Variants in HIGD1A observed in about 807,000 individuals in gnomAD.
HIGD1A encodes HIG1 domain family member 1A, mitochondrial.
Under a neutral mutation model 11.3 loss-of-function variants are expected in HIGD1A, and 8 were observed. That is an observed-to-expected ratio of 0.71 (90% CI 0.42 to 1.28). The LOEUF is 1.28. HIGD1A is among the 50% of genes most tolerant of loss of function. HIGD1A has a pLI of 0.01. For missense variants in HIGD1A, 107 were observed against 118.8 expected, an observed-to-expected ratio of 0.90 and a Z score of 0.46; for synonymous variants, 32 against 38.4, an observed-to-expected ratio of 0.83 and a Z score of 0.62.
rs745348917 is a variant in HIGD1A, at chr3:42,786,031, C to A, written c.229G>T (p.Val77Phe). Residue 77 changes from valine (V) to phenylalanine (F), a missense_variant, in exon 3 of 4, where the codon GTT becomes TTT. Physicochemically the swap from Val to Phe is conservative, Grantham distance 50. Transcript: ENST00000321331. The stretch of plus-strand genomic sequence containing the variant: ...GAAATTTCCTATAGGAACCTACCAA[C>A]AGTCATTGCTCCTACAACAAAGCCT... Reference protein sequence around the residue: ...AQGFVVGAMTVGMGYSMYREF... With the variant: ...AQGFVVGAMTFGMGYSMYREF... 11 of 1,612,360 alleles carry A rather than the reference C, an allele frequency of 6.8e-6. No homozygotes were observed. Among genetic ancestry groups the A allele is most frequent in the Middle Eastern group, 4.2e-4 (2 of 4,714 alleles).
intron 2 of HIGD1A, among the ~76,000 whole-genome samples, chr3:42,790,346 A>C (rs1384130377): frequency 6.6e-6 from 1 of 152,168 alleles, no homozygotes; most frequent in African/African-American, 2.4e-5. Flanking sequence ...CAACCTGGCC[A>C]ACATGGCAAA....
intron 2 of HIGD1A, among the ~76,000 whole-genome samples, chr3:42,793,368 G>C (rs951499999): frequency 1.9e-4 from 29 of 152,116 alleles, no homozygotes; most frequent in Admixed American, 1.2e-3. Context: ...GGTTACCAAG[G>C]CTTGGTGGGC....
At chr3:42,792,176 A>C (rs914371320) in intron 2 of HIGD1A, among the ~76,000 whole-genome samples, 4 of 152,166 alleles carry the variant, frequency 2.6e-5, no homozygotes, top group Non-Finnish European at 5.9e-5. Flanking sequence ...TTTTGCAACT[A>C]ACTTATTAAT....
At chr3:42,793,225 A>G (rs1414840993) in intron 2 of HIGD1A, among the ~76,000 whole-genome samples, 10 of 152,272 alleles carry the variant, frequency 6.6e-5, no homozygotes, top group South Asian at 2.1e-4. Flanking sequence ...ATTAATTTAT[A>G]TACTATAAAT....
intron 1 of HIGD1A, among the ~76,000 whole-genome samples, chr3:42,799,615 GTTT>G (rs57590070): frequency 1.4e-5 from 2 of 147,680 alleles, no homozygotes; most frequent in South Asian, 2.2e-4. Flanking sequence ...ACCATGCCTG[GTTT>G]TTTTTTTTTG....
At chr3:42,790,089 AG>A (rs1323314245) in intron 2 of HIGD1A, among the ~76,000 whole-genome samples, 1 of 152,214 alleles carries the variant, frequency 6.6e-6, no homozygotes, top group East Asian at 1.9e-4. Flanking sequence ...AGAATAAGAC[AG>A]GGATACATGT....
chr3:42,784,093 A>T lies in HIGD1A; in HGVS notation c.*1178T>A, dbSNP rs1031612997. ...TCCGTCTCAAAAAAAAAAAAAAAAA[A>T]TTTATATGGATAATCAATAGAACAA... On this transcript the variant is annotated 3_prime_UTR_variant, in exon 4 of 4. Coordinates refer to ENST00000321331, the MANE Select transcript of HIGD1A (RefSeq NM_014056.4). Among the ~76,000 whole-genome samples the T allele has an allele frequency of 1.2e-4, 16 of 138,964 alleles. No individual in the cohort carries two copies. Among genetic ancestry groups the T allele is most frequent in the South Asian group, 2.3e-4 (1 of 4,342 alleles). 91.2% of individuals were successfully genotyped at this position (138,964 alleles called of 152,430 possible).
rs5848628 is a variant in HIGD1A at position 42,784,075 on chromosome 3, C to CAA, written c.*1194_*1195dup. ...AAGATGACAGAGAATAACTCCGTCT[C>CAA]AAAAAAAAAAAAAAAAAATTTATAT... On this transcript the variant is annotated 3_prime_UTR_variant, in exon 4 of 4. Transcript: ENST00000321331. 1.0e-5 allele frequency among the ~76,000 whole-genome samples: 1 copy of CAA among 100,178 alleles called. No homozygotes were observed. Among genetic ancestry groups the CAA allele is most frequent in the African/African-American group, 3.7e-5 (1 of 27,084 alleles). The allele number at this position is 100,178 out of a possible 152,430, so 65.7% of individuals were successfully genotyped here.
intron 1 of HIGD1A, among the ~76,000 whole-genome samples, chr3:42,800,190 A>G (rs565773082): frequency 1.6e-4 from 25 of 152,126 alleles, no homozygotes; most frequent in Admixed American, 5.2e-4. Context: ...AGCTGGGCAT[A>G]GTGGTGTGCA....
chr3:42,787,274 C>T (rs1447339559), intron 2 of HIGD1A, among the ~76,000 whole-genome samples: 1 of 151,648 alleles, frequency 6.6e-6, no homozygotes, highest in Non-Finnish European at 1.5e-5. Flanking sequence ...TAAGAATAGC[C>T]GCAGAACTTC....
chr3:42,804,447 A>T lies in HIGD1A; in HGVS notation c.-34T>A. ...CTTGTTTCGCTTACCTAGAGCGAGA[A>T]AACCTCTCACACCCCAACCGGCTTC... is the stretch of plus-strand genomic sequence containing the variant. On this transcript the variant is annotated 5_prime_UTR_variant, in exon 1 of 4. Coordinates refer to ENST00000321331, the MANE Select transcript of HIGD1A (RefSeq NM_014056.4). 1 of 488,206 alleles carries T rather than the reference A, an allele frequency of 2.0e-6. No homozygotes were observed. Among genetic ancestry groups the T allele is most frequent in the South Asian group, 3.1e-5 (1 of 32,030 alleles). 30.2% of individuals were successfully genotyped at this position (488,206 alleles called of 1,614,324 possible).
At chr3:42,787,165 G>C (rs1700361972) in intron 2 of HIGD1A, among the ~76,000 whole-genome samples, 1 of 152,138 alleles carries the variant, frequency 6.6e-6, no homozygotes, top group Admixed American at 6.5e-5. Flanking sequence ...GTGTGCTAAA[G>C]GTCTTAGGGA....
chr3:42,802,655 T>C (rs2125596435), intron 1 of HIGD1A, among the ~76,000 whole-genome samples: 1 of 152,340 alleles, frequency 6.6e-6, no homozygotes, highest in African/African-American at 2.4e-5. Flanking sequence ...TCTAATCATA[T>C]AATTTGAGAG....
At chr3:42,802,080 G>C (rs1039295613) in intron 1 of HIGD1A, among the ~76,000 whole-genome samples, 3 of 151,882 alleles carry the variant, frequency 2.0e-5, no homozygotes, top group Non-Finnish European at 4.4e-5. Flanking sequence ...TTTAAAAATA[G>C]CAAGAAAGTT....
chr3:42,791,781 T>C (rs376941606), intron 2 of HIGD1A, among the ~76,000 whole-genome samples: 51 of 152,014 alleles, frequency 3.4e-4, no homozygotes, highest in African/African-American at 1.2e-3. Flanking sequence ...TGAAATGTCT[T>C]TCTGCGTATT....
intron 1 of HIGD1A, among the ~76,000 whole-genome samples, chr3:42,801,263 G>GT (rs1700556953): frequency 6.6e-6 from 1 of 152,188 alleles, no homozygotes; most frequent in African/African-American, 2.4e-5. Flanking sequence ...CTGCCACTGG[G>GT]TGCCACCATA....
intron 3 of HIGD1A, among the ~76,000 whole-genome samples, chr3:42,785,713 TA>T (rs1214429496): frequency 1.3e-5 from 2 of 152,146 alleles, no homozygotes; most frequent in Non-Finnish European, 2.9e-5. Context: ...AAAAACACAA[TA>T]AAATAGCAAT....
chr3:42,790,270 C>T (rs755697398), intron 2 of HIGD1A, among the ~76,000 whole-genome samples: 29 of 152,178 alleles, frequency 1.9e-4, no homozygotes, highest in Non-Finnish European at 4.0e-4. Flanking sequence ...CAGTGGCTCA[C>T]GCCTGTAATC....
intron 2 of HIGD1A, among the ~76,000 whole-genome samples, chr3:42,789,563 AG>A (rs2125924429): frequency 3.8e-5 from 1 of 26,532 alleles, no homozygotes; most frequent in African/African-American, 6.9e-5. Flanking sequence ...AGAACATCCA[AG>A]AACAAAAAAA....
Sources: gnomAD v4.1 joint callset for allele counts (sites outside exome capture counted in the v4.1 genomes callset) on GRCh38, gnomAD v4.1.1 for gene constraint, MANE v1.5 for transcripts, NCBI Gene and HGNC (gene_info 2026-07-23, HGNC 2026-07-21) for gene names.